Variants in DOCK2 observed in about 807,000 individuals in gnomAD.
DOCK2 encodes the protein dedicator of cytokinesis 2.
Under a neutral mutation model 248.9 loss-of-function variants are expected in DOCK2, and 87 were observed. The ratio of observed to expected loss-of-function variants is 0.35; its 90% confidence interval spans 0.29 to 0.42. DOCK2 has a LOEUF of 0.42. DOCK2 is among the 10% of genes least tolerant of loss of function. The probability of loss-of-function intolerance (pLI) is 1.00; values close to 1 mark genes in which losing one functional copy is unlikely to be tolerated. For synonymous variants in DOCK2, 805 were observed against 821.6 expected, an observed-to-expected ratio of 0.98 and a Z score of 0.35; for missense variants, 1,747 against 2,300.2, an observed-to-expected ratio of 0.76 and a Z score of 4.92.
At chr5:169,950,039 C>T (rs975149355) in intron 27 of DOCK2, among the ~76,000 whole-genome samples, 1 of 152,168 alleles carries the variant, frequency 6.6e-6, no homozygotes, top group Non-Finnish European at 1.5e-5. Context: ...AGATGCTTCC[C>T]ACTGAGGGAT....
intron 25 of DOCK2, among the ~76,000 whole-genome samples, chr5:169,801,753 T>C (rs1767002133): frequency 6.6e-6 from 1 of 151,738 alleles, no homozygotes; most frequent in Non-Finnish European, 1.5e-5. Context: ...ATAAGAGATG[T>C]CCTCTACCTC....
intron 27 of DOCK2, among the ~76,000 whole-genome samples, chr5:169,878,776 T>C (rs755801953): frequency 1.6e-4 from 24 of 152,202 alleles, no homozygotes; most frequent in Non-Finnish European, 2.6e-4. Context: ...AAGGGAGTGA[T>C]TGGGGCCAAA....
intron 27 of DOCK2, among the ~76,000 whole-genome samples, chr5:169,970,381 C>T (rs1777457541): frequency 6.6e-6 from 1 of 152,164 alleles, no homozygotes; most frequent in South Asian, 2.1e-4. Flanking sequence ...TTCATTTATC[C>T]TGGGCATCTG....
intron 27 of DOCK2, among the ~76,000 whole-genome samples, chr5:169,912,934 G>A (rs757129616): frequency 6.6e-6 from 1 of 151,968 alleles, no homozygotes. Context: ...TTTAGGGTCT[G>A]CAGTTTTGAA....
intron 36 of DOCK2, among the ~76,000 whole-genome samples, chr5:170,038,250 A>G (rs1419785644): frequency 6.6e-6 from 1 of 152,178 alleles, no homozygotes; most frequent in Non-Finnish European, 1.5e-5. Context: ...TGGCTGCCAC[A>G]TGGTTTCCTC....
chr5:169,779,707 G>A (rs1030113233), intron 25 of DOCK2, among the ~76,000 whole-genome samples: 2 of 147,978 alleles, frequency 1.4e-5, no homozygotes, highest in African/African-American at 2.5e-5. Flanking sequence ...CCCCACCCCC[G>A]CATCATCCCA....
chr5:169,934,680 T>C (rs1039511604), intron 27 of DOCK2: 29 of 456,138 alleles, frequency 6.4e-5, no homozygotes, highest in Non-Finnish European at 1.2e-4. Flanking sequence ...ACTGAACCGA[T>C]TGGGTGCTAC....
At chr5:169,683,671 T>C (rs535922209) in intron 7 of DOCK2, among the ~76,000 whole-genome samples, 96 of 152,340 alleles carry the variant, frequency 6.3e-4, no homozygotes, top group African/African-American at 2.1e-3. Flanking sequence ...TCATTTTTTT[T>C]GATAAGTAGT....
intron 27 of DOCK2, among the ~76,000 whole-genome samples, chr5:169,876,732 A>C (rs1772358225): frequency 6.6e-6 from 1 of 152,232 alleles, no homozygotes; most frequent in Admixed American, 6.5e-5. Context: ...CCTTCCTAAT[A>C]AGAATATTTG....
At chr5:169,707,053 CT>C (rs1247358169) in intron 14 of DOCK2, among the ~76,000 whole-genome samples, 3 of 152,326 alleles carry the variant, frequency 2.0e-5, no homozygotes, top group African/African-American at 7.2e-5. Flanking sequence ...GGGGCTGGGG[CT>C]CCAAAACCAA....
intron 27 of DOCK2, among the ~76,000 whole-genome samples, chr5:169,854,515 T>C (rs1052838975): frequency 6.6e-6 from 1 of 152,226 alleles, no homozygotes; most frequent in South Asian, 2.1e-4. Context: ...AATTTCACTT[T>C]TCTTCTGAAC....
intron 27 of DOCK2, among the ~76,000 whole-genome samples, chr5:169,926,023 C>G (rs997208933): frequency 6.6e-6 from 1 of 152,140 alleles, no homozygotes; most frequent in Non-Finnish European, 1.5e-5. Context: ...GGCAGGATGT[C>G]GTCAGCTCTG....
chr5:169,894,509 T>C (rs547896169), intron 27 of DOCK2, among the ~76,000 whole-genome samples: 1 of 152,172 alleles, frequency 6.6e-6, no homozygotes, highest in Non-Finnish European at 1.5e-5. Context: ...CAATGAAGGT[T>C]TTCCCACTTC....
chr5:169,861,581 A>G (rs1261924832), intron 27 of DOCK2, among the ~76,000 whole-genome samples: 2 of 152,242 alleles, frequency 1.3e-5, no homozygotes, highest in Non-Finnish European at 2.9e-5. Context: ...TCTCCAGCAA[A>G]CCAGATAACC....
At chr5:169,687,520 C>T (rs371178293) in intron 8 of DOCK2, among the ~76,000 whole-genome samples, 25 of 147,868 alleles carry the variant, frequency 1.7e-4, no homozygotes, top group Middle Eastern at 3.5e-3. Context: ...TGCTGAATCC[C>T]GTTATGCCTT....
intron 27 of DOCK2, among the ~76,000 whole-genome samples, chr5:169,955,820 G>A (rs1272986354): frequency 6.6e-6 from 1 of 152,188 alleles, no homozygotes; most frequent in Non-Finnish European, 1.5e-5. Flanking sequence ...CTACATAGCA[G>A]AGGCTCCATC....
intron 40 of DOCK2, among the ~76,000 whole-genome samples, chr5:170,049,863 G>A (rs1301257973): frequency 6.6e-6 from 1 of 152,228 alleles, no homozygotes; most frequent in African/African-American, 2.4e-5. Context: ...ATGAGGATAT[G>A]AATGCTGAAC....
At chr5:169,842,360 GT>G (rs1471631654) in intron 27 of DOCK2, among the ~76,000 whole-genome samples, 5 of 151,752 alleles carry the variant, frequency 3.3e-5, no homozygotes, top group African/African-American at 1.2e-4. Context: ...TTTCTTTTTT[GT>G]TTTGTTTTGT....
At chr5:169,803,007 G>T (rs747020951) in intron 25 of DOCK2, 51 bp from the exon 26 acceptor site, 2 of 1,589,796 alleles carry the variant, frequency 1.3e-6, no homozygotes, top group South Asian at 1.2e-5. Flanking sequence ...TGAAAGAAAA[G>T]AAACTAAAAA....
Sources: allele counts gnomAD v4.1 joint callset (sites outside exome capture counted in the v4.1 genomes callset), GRCh38; gene constraint gnomAD v4.1.1; transcripts MANE v1.5; gene names NCBI Gene and HGNC (gene_info 2026-07-23, HGNC 2026-07-21).